CDS2: variants seen among roughly 807,000 people sequenced by gnomAD.
CDS2 encodes phosphatidate cytidylyltransferase 2.
A neutral mutation model predicts 59.0 loss-of-function variants in CDS2; 47 were observed. The observed-to-expected ratio is 0.80, with a 90% confidence interval of 0.63 to 1.02. The LOEUF (loss-of-function observed/expected upper bound fraction) is 1.02, where lower values mean the gene tolerates loss of function less well. Ranked by LOEUF, CDS2 falls within the 50% of genes least tolerant of loss-of-function variation. The pLI is 0.00. For missense variants in CDS2, 356 were observed against 558.9 expected, an observed-to-expected ratio of 0.64 and a Z score of 3.66; for synonymous variants, 207 against 206.4, an observed-to-expected ratio of 1.00 and a Z score of -0.02.
At chr20:5,172,723 T>C (rs138895395) in intron 1 of CDS2, among the ~76,000 whole-genome samples, 1 of 152,252 alleles carries the variant, frequency 6.6e-6, no homozygotes, top group Non-Finnish European at 1.5e-5. Flanking sequence ...GTTGTTACTC[T>C]AAGTGATTTA....
At chr20:5,181,178 A>G (rs2091031255) in intron 5 of CDS2, among the ~76,000 whole-genome samples, 1 of 152,238 alleles carries the variant, frequency 6.6e-6, no homozygotes, top group African/African-American at 2.4e-5. Flanking sequence ...ATATGTTCCC[A>G]GAATTAGAAT....
chr20:5,148,710 C>T (rs11904988), intron 1 of CDS2, among the ~76,000 whole-genome samples: 7,273 of 152,278 alleles, frequency 0.048, 591 homozygotes, highest in African/African-American at 0.17. Flanking sequence ...CCCTACAATG[C>T]GGTTTGCACC....
chr20:5,178,739 C>T, intron 4 of CDS2, 78 bp from the exon 5 acceptor site: 1 of 1,510,364 alleles, frequency 6.6e-7, no homozygotes. Context: ...GCCCTCTGTC[C>T]CTTCCTCTGG....
chr20:5,127,270 G>A, intron 1 of CDS2, 121 bp downstream of exon 1: 5 of 938,698 alleles, frequency 5.3e-6, no homozygotes, highest in Non-Finnish European at 7.2e-6. Flanking sequence ...CGGCGGCCCC[G>A]GGCCCGGGTA....
intron 1 of CDS2, among the ~76,000 whole-genome samples, chr20:5,158,390 T>C (rs1254711053): frequency 6.6e-6 from 1 of 152,180 alleles, no homozygotes; most frequent in Non-Finnish European, 1.5e-5. Context: ...CAGGTTGATT[T>C]TGAGCACGTG....
chr20:5,181,011 T>C (rs369345536), intron 5 of CDS2, among the ~76,000 whole-genome samples: 4 of 152,256 alleles, frequency 2.6e-5, no homozygotes, highest in Non-Finnish European at 4.4e-5. Flanking sequence ...TAAGAGAACA[T>C]TGAGTAAGCT....
chr20:5,183,643 A>C (rs2091046701), intron 7 of CDS2, among the ~76,000 whole-genome samples: 1 of 152,246 alleles, frequency 6.6e-6, no homozygotes, highest in South Asian at 2.1e-4. Context: ...TCTAACCTTT[A>C]TACCAAAGCC....
chr20:5,170,005 CAG>C (rs983127968), intron 1 of CDS2, among the ~76,000 whole-genome samples: 134 of 152,238 alleles, frequency 8.8e-4, no homozygotes, highest in African/African-American at 2.9e-3. Context: ...TCAGGCTACT[CAG>C]GGGAGTGCGG....
At chr20:5,165,413 C>G (rs151277740) in intron 1 of CDS2, among the ~76,000 whole-genome samples, 56 of 152,342 alleles carry the variant, frequency 3.7e-4, no homozygotes, top group African/African-American at 1.3e-3. Context: ...ATCATTGGCT[C>G]TGGCTGCCTC....
intron 2 of CDS2, 151 bp downstream of exon 2, chr20:5,173,810 GTAAT>G: frequency 2.2e-6 from 2 of 922,092 alleles, no homozygotes; most frequent in South Asian, 3.1e-5. Context: ...TCCATTGAGT[GTAAT>G]CTAGTGCTTA....
At chr20:5,179,157 T>C (rs896829633) in intron 5 of CDS2, among the ~76,000 whole-genome samples, 1 of 149,002 alleles carries the variant, frequency 6.7e-6, no homozygotes, top group East Asian at 2.0e-4. Flanking sequence ...GGTCTCACTC[T>C]GTCACCCAGG....
At chr20:5,135,217 C>T (rs143742526) in intron 1 of CDS2, among the ~76,000 whole-genome samples, 148 of 152,308 alleles carry the variant, frequency 9.7e-4, no homozygotes, top group Middle Eastern at 3.4e-3. Flanking sequence ...CGTGAGCCAC[C>T]GTGCCCGGCC....
chr20:5,138,489 TTTTA>T (rs1568528291), intron 1 of CDS2, among the ~76,000 whole-genome samples: 2 of 152,044 alleles, frequency 1.3e-5, no homozygotes, highest in African/African-American at 4.8e-5. Context: ...TGTTAATTAA[TTTTA>T]TTTATTTTTG....
At chr20:5,162,631 A>G (rs2090883668) in intron 1 of CDS2, among the ~76,000 whole-genome samples, 1 of 152,168 alleles carries the variant, frequency 6.6e-6, no homozygotes, top group South Asian at 2.1e-4. Context: ...GGTTGGAGAT[A>G]CAAATGTTGG....
chr20:5,173,137 CT>C (rs1568540024), intron 1 of CDS2, among the ~76,000 whole-genome samples: 1 of 152,254 alleles, frequency 6.6e-6, no homozygotes, highest in African/African-American at 2.4e-5. Context: ...CTGGCTTCCC[CT>C]GAGAGAGCCT....
At chr20:5,154,808 C>T (rs1217615841) in intron 1 of CDS2, among the ~76,000 whole-genome samples, 1 of 152,146 alleles carries the variant, frequency 6.6e-6, no homozygotes, top group African/African-American at 2.4e-5. Flanking sequence ...CCACTACACT[C>T]ATTTAATTTT....
rs150992095 is a variant in CDS2 at position 5,187,257 on chromosome 20, A to G, written c.981+418A>G. 2.3e-3 allele frequency: 488 copies of G among 210,326 alleles called. 2 individuals carry two copies. The highest frequency in any genetic ancestry group is 9.8e-3 in the African/African-American group (439 of 44,954). 13.0% of individuals were successfully genotyped at this position (210,326 alleles called of 1,614,324 possible). A position where few individuals can be genotyped will look rare whatever the true frequency, so the allele number is the denominator to read the frequency against. ...TGGGTTCCTCATGCCACACACTCAC[A>G]GTACAAACAGGCCAGTTCTAATGAA... On this transcript the variant is annotated intron_variant, in intron 10 of 12. Coordinates refer to ENST00000460006, the MANE Select transcript of CDS2 (RefSeq NM_003818.4).
At chr20:5,144,292 G>A (rs1420881663) in intron 1 of CDS2, among the ~76,000 whole-genome samples, 1 of 152,196 alleles carries the variant, frequency 6.6e-6, no homozygotes, top group Non-Finnish European at 1.5e-5. Flanking sequence ...GGTTGAAGCA[G>A]CCATTGTCAG....
At chr20:5,136,329 G>GATAAAATCCCA (rs2090649811) in intron 1 of CDS2, among the ~76,000 whole-genome samples, 1 of 152,092 alleles carries the variant, frequency 6.6e-6, no homozygotes, top group Admixed American at 6.5e-5. Context: ...CAGATGACTC[G>GATAAAATCCCA]GTTACTCAGG....
Sources: allele counts gnomAD v4.1 joint callset (sites outside exome capture counted in the v4.1 genomes callset), GRCh38; gene constraint gnomAD v4.1.1; transcripts MANE v1.5; gene names NCBI Gene and HGNC (gene_info 2026-07-23, HGNC 2026-07-21).